Variants in PLXNA2 observed in about 807,000 individuals in gnomAD.
PLXNA2 encodes plexin-A2.
Under a neutral mutation model 193.5 loss-of-function variants are expected in PLXNA2, and 91 were observed. The observed-to-expected ratio is 0.47, with a 90% CI of 0.40 to 0.56. PLXNA2 has a LOEUF of 0.56. Ranked by LOEUF, PLXNA2 falls within the 20% of genes least tolerant of loss-of-function variation. The pLI, the probability that PLXNA2 is intolerant of heterozygous loss-of-function variation, is 0.00. For synonymous variants in PLXNA2, 997 were observed against 1,027.3 expected (o/e 0.97, Z 0.56); for missense variants, 1,995 against 2,503.2 (o/e 0.80, Z 4.33).
Position 208,038,024 on chromosome 1 carries a change from T to A in PLXNA2, c.4764+347A>T, listed in dbSNP as rs1664728477. 1.3e-5 allele frequency among the ~76,000 whole-genome samples: 2 copies of A among 152,246 alleles called. No individual in the cohort carries two copies. Among genetic ancestry groups the A allele is most frequent in the Admixed American group, 1.3e-4 (2 of 15,292 alleles). On this transcript the variant is annotated intron_variant, in intron 26 of 31. Coordinates refer to ENST00000367033, the MANE Select transcript of PLXNA2 (RefSeq NM_025179.4). The surrounding 1 kb of genome is among the most constrained non-coding windows in gnomAD (Gnocchi z 4.1). ...GAAAGTGCCAGGTACCTTAAGGTAGTTGTCCATGTGGAGGGCTTTGCAATA... is the reference window on the plus strand; with the variant it reads ...GAAAGTGCCAGGTACCTTAAGGTAGATGTCCATGTGGAGGGCTTTGCAATA...
At chr1:208,027,377 C>T in intron 31 of PLXNA2, 39 bp from the exon 32 acceptor site, 2 of 1,566,864 alleles carry the variant, frequency 1.3e-6, no homozygotes, top group East Asian at 4.5e-5. Context: ...CTTCAGGACT[C>T]AGAATAGAAG....
chr1:208,112,271 A>T (rs895503812), intron 4 of PLXNA2, among the ~76,000 whole-genome samples: 1 of 152,220 alleles, frequency 6.6e-6, no homozygotes, highest in Non-Finnish European at 1.5e-5. Context: ...GTGCTGGGGC[A>T]GTGACTGCTC....
intron 3 of PLXNA2, among the ~76,000 whole-genome samples, chr1:208,154,565 C>T (rs1156277827): frequency 6.6e-6 from 1 of 152,176 alleles, no homozygotes; most frequent in African/African-American, 2.4e-5. Context: ...CTAGGGCCAA[C>T]TCAAAACAAA....
intron 29 of PLXNA2, 175 bp from the exon 30 acceptor site, chr1:208,029,217 G>A (rs543881266): frequency 5.6e-6 from 8 of 1,428,702 alleles, no homozygotes; most frequent in African/African-American, 1.4e-5. Flanking sequence ...ACTGACCTGG[G>A]AGAAATGGAA....
chr1:208,174,023 C>T (rs977647589), intron 3 of PLXNA2, among the ~76,000 whole-genome samples: 2 of 152,226 alleles, frequency 1.3e-5, no homozygotes, highest in Non-Finnish European at 1.5e-5. Context: ...GCTGAGATAG[C>T]GCTTTGAAAA....
Position 208,200,891 on chromosome 1 carries a change from C to A in PLXNA2, c.1371+9389G>T, listed in dbSNP as rs1670531045. Among the ~76,000 whole-genome samples the A allele has an allele frequency of 2.0e-5, 3 of 152,156 alleles. No homozygotes were observed. The South Asian group carries it at 6.2e-4, about 32-fold the overall frequency. On this transcript the variant is annotated intron_variant, in intron 3 of 31. Transcript: ENST00000367033. ...AAAGTGCTGGGATTACAGGCGTGAACAACCGCGCCTGGCCTCCAATCCTTC... is the reference window on the plus strand; with the variant it reads ...AAAGTGCTGGGATTACAGGCGTGAAAAACCGCGCCTGGCCTCCAATCCTTC...
Position 208,128,687 on chromosome 1 carries a change from GTTTC to G in PLXNA2, c.1506+13638_1506+13641del, listed in dbSNP as rs1215413005. On this transcript the variant is annotated intron_variant, in intron 4 of 31. Transcript: ENST00000367033. ...TCCTAAGCTCCAACAAGTGTTTCCT[GTTTC>G]TTTCTTTTTTTTTTTTTTTTTTTTT... Among the ~76,000 whole-genome samples, 4 of 119,260 alleles carry G rather than the reference GTTTC, an allele frequency of 3.4e-5. No homozygotes were observed. The South Asian group carries it at 1.1e-3, about 32-fold the overall frequency. 78.2% of individuals were successfully genotyped at this position (119,260 alleles called of 152,430 possible).
At position 208,076,446 on chromosome 1, in the gene PLXNA2, T is replaced by C. The variant is rs116743401; in HGVS notation, c.2586+2814A>G. Among the ~76,000 whole-genome samples the C allele has an allele frequency of 9.9e-3, 1,514 of 152,298 alleles. 9 individuals are homozygous for C. Among genetic ancestry groups the C allele is most frequent in the Admixed American group, 0.015 (230 of 15,302 alleles). ...GAACCATGGATTCTTATTCTATTGG[T>C]GAAATCCACGGCTATCAATTTTTAT... On this transcript the variant is annotated intron_variant, in intron 12 of 31. Coordinates refer to ENST00000367033, the MANE Select transcript of PLXNA2 (RefSeq NM_025179.4).
At chr1:208,142,897 A>G (rs1668498457) in intron 3 of PLXNA2, among the ~76,000 whole-genome samples, 1 of 152,236 alleles carries the variant, frequency 6.6e-6, no homozygotes, top group Non-Finnish European at 1.5e-5. Flanking sequence ...AGGAATGGTG[A>G]ACAATTTATA....
intron 3 of PLXNA2, among the ~76,000 whole-genome samples, chr1:208,202,738 T>G (rs1367825732): frequency 6.6e-6 from 1 of 152,192 alleles, no homozygotes; most frequent in Non-Finnish European, 1.5e-5. Context: ...ACCTGTATTC[T>G]GTGAGCTTGA....
At position 208,084,563 on chromosome 1, in the gene PLXNA2, C is replaced by A. The variant is rs766543231; in HGVS notation, c.2115G>T (p.Val705=). Residue 705 remains valine, a synonymous_variant, in exon 10 of 32, where the codon GTG becomes GTT. Coordinates refer to ENST00000367033, the MANE Select transcript of PLXNA2 (RefSeq NM_025179.4). ...INISEDCPQL[V]PTEEILIPVG... ...CTGGAATCAAGATCTCCTCTGTGGG[C>A]ACCAGCTGGGGACAGTCCTGGGGGA... 4 of 1,614,076 alleles carry A rather than the reference C, an allele frequency of 2.5e-6. No individual in the cohort carries two copies. The highest frequency in any genetic ancestry group is 3.4e-6 in the Non-Finnish European group (4 of 1,180,022).
chr1:208,027,620 T>G (rs1344792103), intron 31 of PLXNA2, among the ~76,000 whole-genome samples: 1 of 152,214 alleles, frequency 6.6e-6, no homozygotes, highest in Non-Finnish European at 1.5e-5. Flanking sequence ...TAAAGAAGCT[T>G]TGTGAGTTTT....
At chr1:208,084,620 C>A in intron 9 of PLXNA2, 40 bp from the exon 10 acceptor site, 3 of 1,593,100 alleles carry the variant, frequency 1.9e-6, no homozygotes, top group South Asian at 2.2e-5. Flanking sequence ...GTCCCCTGTT[C>A]ATGCTGTCCT....
At position 208,210,306 on chromosome 1, in the gene PLXNA2, C is replaced by G. The variant is rs1253181306; in HGVS notation, c.1345G>C (p.Gly449Arg). The G allele has an allele frequency of 6.2e-7, 1 of 1,613,896 alleles. No individual in the cohort carries two copies. The change falls in exon 3 of 32, where the codon GGG becomes CGG. Residue 449 changes from glycine (G) to arginine (R), a missense_variant. Gly to Arg is a moderately radical substitution (Grantham distance 125, BLOSUM62 -2). Around this residue, in one of 3 missense-constraint regions of PLXNA2, gnomAD observed 702 missense variants for 812.9 expected, o/e 0.86. Coordinates refer to ENST00000367033, the MANE Select transcript of PLXNA2 (RefSeq NM_025179.4). The stretch of plus-strand genomic sequence containing the variant: ...TTTTTCAGCTTGCCACTCTTAGTCC[C>G]CACAAAAACCACGCTGTAGCCGTTG... Reference protein sequence around the residue: ...VYNGYSVVFVGTKSGKLKKIR... With the variant: ...VYNGYSVVFVRTKSGKLKKIR...
chr1:208,149,627 T>A (rs1668696366), intron 3 of PLXNA2, among the ~76,000 whole-genome samples: 1 of 151,736 alleles, frequency 6.6e-6, no homozygotes, highest in African/African-American at 2.4e-5. Context: ...AGGTGAAAGG[T>A]GGAGAGGGCC....
chr1:208,061,513 C>T (rs1665620450), intron 12 of PLXNA2, among the ~76,000 whole-genome samples: 2 of 152,134 alleles, frequency 1.3e-5, no homozygotes, highest in African/African-American at 4.8e-5. Flanking sequence ...GGTGTGGCTG[C>T]AGGGGAGAAG....
chr1:208,037,529 AG>A (rs1280045143), intron 26 of PLXNA2, among the ~76,000 whole-genome samples: 2 of 152,162 alleles, frequency 1.3e-5, no homozygotes, highest in Non-Finnish European at 2.9e-5. Context: ...CGGGTCTTGC[AG>A]CCTGAGGCGC....
chr1:208,233,229 G>T (rs1413247153), intron 1 of PLXNA2, among the ~76,000 whole-genome samples: 1 of 152,166 alleles, frequency 6.6e-6, no homozygotes, highest in East Asian at 1.9e-4. Flanking sequence ...ACAATGACTT[G>T]TCTCCCCTCT....
At position 208,026,993 on chromosome 1, in the gene PLXNA2, C is replaced by G; in HGVS notation, c.*250G>C. ...TCGTGCCTCTCGGCTTGAAGAACCACCTTCTCCCGGCCCCGGGTTCTCTGG... is the reference window on the plus strand; with the variant it reads ...TCGTGCCTCTCGGCTTGAAGAACCAGCTTCTCCCGGCCCCGGGTTCTCTGG... On this transcript the variant is annotated 3_prime_UTR_variant, in exon 32 of 32. Transcript: ENST00000367033. 2.4e-6 allele frequency: 1 copy of G among 408,804 alleles called. No homozygotes were observed. Among genetic ancestry groups the G allele is most frequent in the Non-Finnish European group, 4.5e-6 (1 of 224,432 alleles). 25.3% of individuals were successfully genotyped at this position (408,804 alleles called of 1,614,324 possible). A position where few individuals can be genotyped will look rare whatever the true frequency, so the allele number is the denominator to read the frequency against.
Sources: gnomAD v4.1 joint callset for allele counts (sites outside exome capture counted in the v4.1 genomes callset) on GRCh38, gnomAD v4.1.1 for gene constraint, gnomAD v4.1.1 regional missense constraint, Gnocchi (gnomAD v3.1) non-coding constraint, MANE v1.5 for transcripts, NCBI Gene and HGNC (gene_info 2026-07-23, HGNC 2026-07-21) for gene names.